ZFPM2: variants seen among roughly 807,000 people sequenced by gnomAD.
ZFPM2 encodes zinc finger protein ZFPM2.
In ZFPM2, 20 loss-of-function variants were observed where a neutral mutation model predicts 98.6. That is an observed-to-expected ratio of 0.20 (90% confidence interval 0.14 to 0.29). The LOEUF is 0.29. Among genes scored for constraint, ZFPM2 ranks in the 10% least tolerant of loss-of-function variants. ZFPM2 has a pLI of 1.00. For synonymous variants in ZFPM2, 518 were observed against 502.7 expected, an observed-to-expected ratio of 1.03 and a Z score of -0.41; for missense variants, 1,310 against 1,388.6, an observed-to-expected ratio of 0.94 and a Z score of 0.90.
At chr8:105,348,183 A>G (rs1337600263) in intron 1 of ZFPM2, among the ~76,000 whole-genome samples, 1 of 152,218 alleles carries the variant, frequency 6.6e-6, no homozygotes, top group Non-Finnish European at 1.5e-5. Context: ...ATCATGTAGT[A>G]AGGACCAAGG....
rs200209803 is a variant in ZFPM2 at position 105,374,406 on chromosome 8, AT to A, written c.41-44725del. Among the ~76,000 whole-genome samples, 220 of 146,560 alleles carry A rather than the reference AT, an allele frequency of 1.5e-3. 1 individual carries two copies. The highest frequency in any genetic ancestry group is 3.7e-3 in the Admixed American group (54 of 14,678). ...CTTAAGTATGAGTTTTAAACTAAGAATTTTTTTTTTTTTGAGACAGGGTCTT... is the reference window on the plus strand; with the variant it reads ...CTTAAGTATGAGTTTTAAACTAAGAATTTTTTTTTTTTGAGACAGGGTCTT... On this transcript the variant is annotated intron_variant, in intron 1 of 7. Transcript: ENST00000407775.
Position 105,364,523 on chromosome 8 carries a change from A to G in ZFPM2, c.40+45542A>G, listed in dbSNP as rs527748699. 3.9e-5 allele frequency among the ~76,000 whole-genome samples: 6 copies of G among 152,200 alleles called. No individual in the cohort carries two copies. In the South Asian group the frequency reaches 1.2e-3, roughly 32 times the overall value. ...TTCAACAAATGTGTCAGAGTCCATT[A>G]AAGACATTAGAAAACCCTATTTCAT... On this transcript the variant is annotated intron_variant, in intron 1 of 7. Transcript: ENST00000407775.
At chr8:105,579,978 C>G (rs984057155) in intron 4 of ZFPM2, among the ~76,000 whole-genome samples, 3 of 152,170 alleles carry the variant, frequency 2.0e-5, no homozygotes, top group African/African-American at 7.2e-5. Context: ...TTCAGCAGCA[C>G]ACACCTGTGC....
chr8:105,507,077 T>A (rs7003261), intron 3 of ZFPM2, among the ~76,000 whole-genome samples: 14 of 151,670 alleles, frequency 9.2e-5, no homozygotes, highest in African/African-American at 3.4e-4. Context: ...CAGATGGATC[T>A]AGGAGTGTCA....
intron 5 of ZFPM2, among the ~76,000 whole-genome samples, chr8:105,650,212 C>G (rs148221951): frequency 6.6e-6 from 1 of 152,078 alleles, no homozygotes; most frequent in African/African-American, 2.4e-5. Context: ...TCTATGGGAT[C>G]GGTGGTGATA....
intron 4 of ZFPM2, 112 bp from the exon 5 acceptor site, chr8:105,634,134 A>C: frequency 1.3e-6 from 1 of 775,864 alleles, no homozygotes; most frequent in Non-Finnish European, 2.1e-6. Context: ...GACTTGGATT[A>C]TGGTTTGGGA....
intron 4 of ZFPM2, among the ~76,000 whole-genome samples, chr8:105,561,877 T>C (rs1815145129): frequency 1.3e-5 from 2 of 152,202 alleles, no homozygotes; most frequent in South Asian, 2.1e-4. Context: ...TTGGTAATAC[T>C]GTTTGTACCT....
At chr8:105,436,636 G>A (rs969755016) in intron 2 of ZFPM2, among the ~76,000 whole-genome samples, 4 of 152,124 alleles carry the variant, frequency 2.6e-5, no homozygotes, top group African/African-American at 7.2e-5. Flanking sequence ...CGACTTTGAC[G>A]GTAATGTCCT....
rs977286914 is a variant in ZFPM2, at chr8:105,530,102, C to T, written c.302-31261C>T. Among the ~76,000 whole-genome samples, 14 of 152,218 alleles carry T rather than the reference C, an allele frequency of 9.2e-5. No individual in the cohort carries two copies. In the East Asian group the frequency reaches 1.4e-3, roughly 15 times the overall value. ...TACATTCTTAAATCTGATTAAAAAT[C>T]GGGCTGGCTTGCTAACAAATGTACT... is the stretch of plus-strand genomic sequence containing the variant. On this transcript the variant is annotated intron_variant, in intron 3 of 7. Coordinates refer to ENST00000407775, the MANE Select transcript of ZFPM2 (RefSeq NM_012082.4).
chr8:105,385,211 C>A (rs1433457341), intron 1 of ZFPM2, among the ~76,000 whole-genome samples: 2 of 152,162 alleles, frequency 1.3e-5, no homozygotes, highest in Non-Finnish European at 2.9e-5. Context: ...TTGGAGGAAT[C>A]TTATGCAAAG....
At chr8:105,342,245 C>A (rs1812444253) in intron 1 of ZFPM2, among the ~76,000 whole-genome samples, 1 of 152,020 alleles carries the variant, frequency 6.6e-6, no homozygotes, top group South Asian at 2.1e-4. Context: ...ATGTCAAAAT[C>A]TCCTTTGAGA....
intron 3 of ZFPM2, among the ~76,000 whole-genome samples, chr8:105,546,312 C>T (rs1417124755): frequency 6.6e-6 from 1 of 152,000 alleles, no homozygotes; most frequent in African/African-American, 2.4e-5. Flanking sequence ...TGTGGTGGCT[C>T]ACACCTGTAA....
At chr8:105,328,992 AATATCACCCC>A (rs1355778000) in intron 1 of ZFPM2, among the ~76,000 whole-genome samples, 4 of 151,848 alleles carry the variant, frequency 2.6e-5, no homozygotes, top group Non-Finnish European at 5.9e-5. Flanking sequence ...AGCTGCTAAA[AATATCACCCC>A]ACTTCTTAAC....
chr8:105,646,086 T>C (rs1282678842), intron 5 of ZFPM2, among the ~76,000 whole-genome samples: 2 of 148,914 alleles, frequency 1.3e-5, no homozygotes, highest in Admixed American at 6.7e-5. Flanking sequence ...AGGAGAAACA[T>C]GCATATGCAT....
In ZFPM2 at chr8:105,618,620, C is replaced by G. The variant is rs1188445481; in HGVS notation, c.421-15626C>G. Among the ~76,000 whole-genome samples the G allele has an allele frequency of 2.6e-5, 4 of 152,166 alleles. 1 individual carries two copies. The highest frequency in any genetic ancestry group is 2.0e-4 in the Admixed American group (3 of 15,266). On this transcript the variant is annotated intron_variant, in intron 4 of 7. Transcript: ENST00000407775. ...ACAAGCATTTGCTTACATGGAATAA[C>G]ATATCCAGTGCTGCTTAAGCACATT...
At chr8:105,633,121 C>T (rs900192844) in intron 4 of ZFPM2, among the ~76,000 whole-genome samples, 63 of 152,080 alleles carry the variant, frequency 4.1e-4, no homozygotes, top group African/African-American at 1.5e-3. Context: ...TTTCCAGATT[C>T]CTGAAAGTTT....
chr8:105,437,637 A>G (rs1195076455), intron 2 of ZFPM2, among the ~76,000 whole-genome samples: 1 of 152,178 alleles, frequency 6.6e-6, no homozygotes, highest in African/African-American at 2.4e-5. Flanking sequence ...TACCTCATTG[A>G]ACTATCTAGT....
intron 3 of ZFPM2, among the ~76,000 whole-genome samples, chr8:105,533,619 G>A (rs942234052): frequency 4.6e-5 from 7 of 151,734 alleles, no homozygotes; most frequent in Admixed American, 3.9e-4. Flanking sequence ...ACATTTCCAA[G>A]TATTACTCCT....
intron 6 of ZFPM2, chr8:105,798,247 T>C (rs1813892286): frequency 6.5e-6 from 1 of 152,768 alleles, no homozygotes; most frequent in East Asian, 1.9e-4. Flanking sequence ...GGTAAGGAGT[T>C]TGAGACCAGC....
Sources: gnomAD v4.1 joint callset for allele counts (sites outside exome capture counted in the v4.1 genomes callset) on GRCh38, gnomAD v4.1.1 for gene constraint, MANE v1.5 for transcripts, NCBI Gene and HGNC (gene_info 2026-07-23, HGNC 2026-07-21) for gene names.